Variants in ZC3H15 observed in about 807,000 individuals in gnomAD.
ZC3H15 encodes zinc finger CCCH domain-containing protein 15.
ZC3H15 carries 15 observed loss-of-function variants against 51.2 expected under a neutral mutation model. The observed-to-expected ratio is 0.29, with a 90% CI of 0.20 to 0.45. ZC3H15 has a LOEUF of 0.45. Ranked by LOEUF, ZC3H15 falls within the 20% of genes least tolerant of loss-of-function variation. The pLI, the probability that ZC3H15 is intolerant of heterozygous loss-of-function variation, is 1.00. For missense variants in ZC3H15, 381 were observed against 494.7 expected (o/e 0.77, Z 2.18); for synonymous variants, 144 against 162.8 (o/e 0.88, Z 0.88).
chr2:186,506,769 T>A lies in ZC3H15; in HGVS notation c.1023T>A (p.Asp341Glu). The change falls in exon 9 of 10, where the codon GAT becomes GAA. Residue 341 changes from aspartate to glutamate, a missense_variant. This residue lies in a region of ZC3H15 where 215 missense variants were observed against 241.8 expected (regional missense o/e 0.89). Coordinates refer to ENST00000337859, the MANE Select transcript of ZC3H15 (RefSeq NM_018471.3). ...DIDLSLYIPRDVDETGITVAS... is the reference protein window; with the variant it reads ...DIDLSLYIPREVDETGITVAS... The stretch of plus-strand genomic sequence containing the variant: ...ATTTAAGCCTGTACATCCCAAGAGA[T>A]GTAGATGAAACAGGTATTACTGTAG... 1 of 1,613,808 alleles carries A rather than the reference T, an allele frequency of 6.2e-7. No individual in the cohort carries two copies. The highest frequency in any genetic ancestry group is 8.5e-7 in the Non-Finnish European group (1 of 1,179,814).
At chr2:186,491,734 T>C (rs1685202059) in intron 1 of ZC3H15, among the ~76,000 whole-genome samples, 1 of 152,156 alleles carries the variant, frequency 6.6e-6, no homozygotes, top group Admixed American at 6.6e-5. Flanking sequence ...ATTTATCATT[T>C]CTGAGTTTCT....
At chr2:186,501,653 C>G in intron 4 of ZC3H15, among the ~76,000 whole-genome samples, 1 of 152,004 alleles carries the variant, frequency 6.6e-6, no homozygotes, top group East Asian at 1.9e-4. Flanking sequence ...GTCTGTCACC[C>G]TTTCCTTCAG....
intron 8 of ZC3H15, among the ~76,000 whole-genome samples, 189 bp from the exon 9 acceptor site, chr2:186,506,524 C>T (rs550536963): frequency 6.6e-6 from 1 of 152,266 alleles, no homozygotes; most frequent in East Asian, 1.9e-4. Flanking sequence ...AACTCCTAAG[C>T]CCAGGTGATC....
At chr2:186,486,537 G>C in intron 1 of ZC3H15, 80 bp downstream of exon 1, 2 of 1,451,662 alleles carry the variant, frequency 1.4e-6, no homozygotes, top group South Asian at 1.4e-5. Context: ...CCTGGGAGCC[G>C]GCTCGCTTCC....
At chr2:186,508,278 A>G (rs1685498835) in intron 9 of ZC3H15, among the ~76,000 whole-genome samples, 1 of 152,230 alleles carries the variant, frequency 6.6e-6, no homozygotes, top group Admixed American at 6.5e-5. Context: ...ACAGAGGTGT[A>G]GAAGATTGAT....
chr2:186,494,031 G>C (rs559227628), intron 1 of ZC3H15, among the ~76,000 whole-genome samples: 2 of 151,012 alleles, frequency 1.3e-5, no homozygotes, highest in Admixed American at 1.3e-4. Flanking sequence ...GCTCATACTT[G>C]TGCAATGGCT....
rs757921839 is a variant in ZC3H15 at position 186,508,480 on chromosome 2, A to G, written c.1091-63A>G. 418 of 1,440,744 alleles carry G rather than the reference A, an allele frequency of 2.9e-4. 1 individual carries two copies. Among genetic ancestry groups the G allele is most frequent in the Non-Finnish European group, 2.2e-4 (229 of 1,035,144 alleles). 89.2% of individuals were successfully genotyped at this position (1,440,744 alleles called of 1,614,324 possible). On this transcript the variant is annotated intron_variant, in intron 9 of 9. Coordinates refer to ENST00000337859, the MANE Select transcript of ZC3H15 (RefSeq NM_018471.3). ...AGTGTAGTATCAGTCTATGTTGTCT[A>G]TTGCTAATGTGGAATGGTGTTTTCT...
chr2:186,497,455 G>A (rs111310497), intron 2 of ZC3H15, among the ~76,000 whole-genome samples: 17 of 152,248 alleles, frequency 1.1e-4, no homozygotes, highest in African/African-American at 2.4e-4. Flanking sequence ...AGGCCGGGGC[G>A]GGCAGATCAG....
chr2:186,508,850 A>C lies in ZC3H15; in HGVS notation c.*117A>C, dbSNP rs148746734. ...TTATTTCCTATGCTGATTCTGGAGGAGTTAACCTCCTGCAAAAAAGGCATC... is the reference window on the plus strand; with the variant it reads ...TTATTTCCTATGCTGATTCTGGAGGCGTTAACCTCCTGCAAAAAAGGCATC... On this transcript the variant is annotated 3_prime_UTR_variant, in exon 10 of 10. Transcript: ENST00000337859. 8.6e-7 allele frequency: 1 copy of C among 1,168,434 alleles called. No individual in the cohort carries two copies. Among genetic ancestry groups the C allele is most frequent in the East Asian group, 2.6e-5 (1 of 39,186 alleles). 72.4% of individuals were successfully genotyped at this position (1,168,434 alleles called of 1,614,324 possible). A position where few individuals can be genotyped will look rare whatever the true frequency, so the allele number is the denominator to read the frequency against.
In ZC3H15 at chr2:186,509,136, A is replaced by T. The variant is rs1175225313; in HGVS notation, c.*403A>T. 1 of 446,662 alleles carries T rather than the reference A, an allele frequency of 2.2e-6. No homozygotes were observed. Among genetic ancestry groups the T allele is most frequent in the African/African-American group, 2.0e-5 (1 of 49,754 alleles). The allele number at this position is 446,662 out of a possible 1,614,324, so 27.7% of individuals were successfully genotyped here. A position where few individuals can be genotyped will look rare whatever the true frequency, so the allele number is the denominator to read the frequency against. On this transcript the variant is annotated 3_prime_UTR_variant, in exon 10 of 10. Transcript: ENST00000337859. ...GTGATTTAATTTCCTCTGTATTTGT[A>T]TGTTTAGAAGACTGCCTAAAACATG...
chr2:186,495,300 A>G lies in ZC3H15; in HGVS notation c.143A>G (p.His48Arg), dbSNP rs749868043. Residue 48 changes from histidine to arginine, a missense_variant, in exon 2 of 10, where the codon CAT (histidine) becomes CGT (arginine). Coordinates refer to ENST00000337859, the MANE Select transcript of ZC3H15 (RefSeq NM_018471.3). ...KQQKFIKAVT[H>R]QVKFGQQNPR... ...CAGAAGTTTATCAAGGCTGTCACAC[A>G]TCAAGTTAAATTTGGTCAACAAAAT... The G allele has an allele frequency of 6.4e-6, 10 of 1,550,414 alleles. No homozygotes were observed. Among genetic ancestry groups the G allele is most frequent in the African/African-American group, 1.4e-5 (1 of 71,608 alleles).
At chr2:186,486,763 T>G (rs1315787518) in intron 1 of ZC3H15, 7 of 348,910 alleles carry the variant, frequency 2.0e-5, no homozygotes, top group Admixed American at 4.7e-5. Flanking sequence ...GCTAGTCCTC[T>G]CAGAATTGAG....
At chr2:186,490,233 C>G (rs746367307) in intron 1 of ZC3H15, among the ~76,000 whole-genome samples, 2 of 152,144 alleles carry the variant, frequency 1.3e-5, no homozygotes, top group African/African-American at 2.4e-5. Context: ...TCTGAAATGG[C>G]ATATACCATT....
At chr2:186,508,214 ATAT>A (rs1362175092) in intron 9 of ZC3H15, among the ~76,000 whole-genome samples, 2 of 152,216 alleles carry the variant, frequency 1.3e-5, no homozygotes, top group Non-Finnish European at 2.9e-5. Flanking sequence ...GTCAAATAAA[ATAT>A]TATATGGAAA....
At chr2:186,496,048 T>TC (rs561793324) in intron 2 of ZC3H15, among the ~76,000 whole-genome samples, 38 of 152,366 alleles carry the variant, frequency 2.5e-4, no homozygotes, top group African/African-American at 8.9e-4. Context: ...ATATTTCAGT[T>TC]ATGTTTTGCC....
chr2:186,502,486 CTTTA>C lies in ZC3H15; in HGVS notation c.443-5_443-2del. ...AGATTACAGTATTTAATCTTCATTTCTTTATTTAGATACTATGGATAATTGGGAT... is the reference window on the plus strand; with the variant it reads ...AGATTACAGTATTTAATCTTCATTTCTTTAGATACTATGGATAATTGGGAT... On this transcript the variant is annotated splice_region_variant and splice_polypyrimidine_tract_variant and intron_variant, in intron 4 of 9. Transcript: ENST00000337859. 6.2e-7 allele frequency: 1 copy of C among 1,600,818 alleles called. No homozygotes were observed. The highest frequency in any genetic ancestry group is 8.5e-7 in the Non-Finnish European group (1 of 1,171,288).
At chr2:186,486,677 C>T (rs1242089368) in intron 1 of ZC3H15, among the ~76,000 whole-genome samples, 2 of 152,224 alleles carry the variant, frequency 1.3e-5, no homozygotes, top group Non-Finnish European at 2.9e-5. Context: ...CCTCTCCGCC[C>T]ACACGCCCGT....
At chr2:186,501,202 T>C (rs1470542384) in intron 3 of ZC3H15, 71 bp from the exon 4 acceptor site, 1 of 1,436,502 alleles carries the variant, frequency 7.0e-7, no homozygotes, top group African/African-American at 1.4e-5. Flanking sequence ...AAATTCATCA[T>C]ATTTCAGGTA....
At chr2:186,498,671 T>G (rs1685325748) in intron 2 of ZC3H15, among the ~76,000 whole-genome samples, 1 of 152,228 alleles carries the variant, frequency 6.6e-6, no homozygotes, top group Admixed American at 6.5e-5. Context: ...TCCTCTTTCT[T>G]GAACACATTT....
Sources: gnomAD v4.1 joint callset for allele counts (sites outside exome capture counted in the v4.1 genomes callset) on GRCh38, gnomAD v4.1.1 for gene constraint, gnomAD v4.1.1 regional missense constraint, MANE v1.5 for transcripts, NCBI Gene and HGNC (gene_info 2026-07-23, HGNC 2026-07-21) for gene names.